The following SLC37A1 variants were observed in gnomAD, a reference collection of about 807,000 sequenced individuals.
SLC37A1 encodes glucose-6-phosphate exchanger SLC37A1.
A neutral mutation model predicts 75.3 loss-of-function variants in SLC37A1; 49 were observed. The observed-to-expected ratio is 0.65, with a 90% confidence interval of 0.52 to 0.83. SLC37A1 has a LOEUF of 0.83. Ranked by LOEUF, SLC37A1 falls within the 40% of genes least tolerant of loss-of-function variation. The pLI, the probability that SLC37A1 is intolerant of heterozygous loss-of-function variation, is 0.00. For synonymous variants in SLC37A1, 268 were observed against 292.1 expected (o/e 0.92, Z 0.84); for missense variants, 566 against 695.0 (o/e 0.81, Z 2.09).
chr21:42,521,506 G>T (rs1297574886), intron 2 of SLC37A1, among the ~76,000 whole-genome samples: 1 of 152,216 alleles, frequency 6.6e-6, no homozygotes, highest in African/African-American at 2.4e-5. Context: ...TGTGATTGAG[G>T]TAATAACAGT....
At chr21:42,575,358 G>A in intron 18 of SLC37A1, 2 of 985,480 alleles carry the variant, frequency 2.0e-6, no homozygotes. Context: ...TGTCCCTCCT[G>A]CAGCCATGCT....
chr21:42,516,420 A>T (rs1371480587), intron 1 of SLC37A1, among the ~76,000 whole-genome samples: 3 of 152,164 alleles, frequency 2.0e-5, no homozygotes, highest in Non-Finnish European at 2.9e-5. Context: ...ACGGGGCTCA[A>T]ATGAGAGCAT....
chr21:42,560,697 A>C (rs2055808388), intron 11 of SLC37A1, among the ~76,000 whole-genome samples: 1 of 152,178 alleles, frequency 6.6e-6, no homozygotes, highest in African/African-American at 2.4e-5. Context: ...GCTTATGGGG[A>C]AAGGGCTGTG....
upstream of SLC37A1, among the ~76,000 whole-genome samples, chr21:42,511,796 A>G (rs2054435507): frequency 2.0e-5 from 3 of 152,142 alleles, no homozygotes; most frequent in Non-Finnish European, 2.9e-5. Context: ...CTGTCTCAAA[A>G]CAAACCAACA....
intron 1 of SLC37A1, among the ~76,000 whole-genome samples, chr21:42,500,395 G>A (rs960985609): frequency 6.6e-6 from 1 of 152,170 alleles, no homozygotes; most frequent in Non-Finnish European, 1.5e-5. Context: ...CCCTAGCTCC[G>A]TATACTTCTT....
At position 42,513,882 on chromosome 21, in the gene SLC37A1, C is replaced by A. The variant is rs1306846160; in HGVS notation, c.-1014C>A. On this transcript the variant is annotated 5_prime_UTR_variant, in exon 1 of 20. Transcript: ENST00000352133. ...CGCGAGCAGGAAGCGCCCGCGGCGG[C>A]CGGGCCGGGCTGGGCTGCGGAGCGC... 6.8e-6 allele frequency: 1 copy of A among 146,482 alleles called. No individual in the cohort carries two copies. Among genetic ancestry groups the A allele is most frequent in the Admixed American group, 6.8e-5 (1 of 14,720 alleles). 9.1% of individuals were successfully genotyped at this position (146,482 alleles called of 1,614,324 possible). A position where few individuals can be genotyped will look rare whatever the true frequency, so the allele number is the denominator to read the frequency against.
intron 18 of SLC37A1, among the ~76,000 whole-genome samples, chr21:42,576,282 C>T (rs1185740425): frequency 6.6e-6 from 1 of 151,916 alleles, no homozygotes; most frequent in Non-Finnish European, 1.5e-5. Context: ...GGGAATCTGC[C>T]CATCTTAGCC....
chr21:42,504,195 C>T (rs1215148048), intron 2 of SLC37A1, among the ~76,000 whole-genome samples: 1 of 152,136 alleles, frequency 6.6e-6, no homozygotes, highest in Non-Finnish European at 1.5e-5. Context: ...TATATTAATA[C>T]ATTTAAAGAG....
At position 42,518,480 on chromosome 21, in the gene SLC37A1, G is replaced by A. The variant is rs746310930; in HGVS notation, c.26G>A (p.Arg9His). MARLPAGI[R>H]FIISFSRDQW... is the part of the protein sequence containing the mutation. The stretch of plus-strand genomic sequence containing the variant: ...ATGGCTCGACTCCCCGCTGGCATTC[G>A]CTTCATCATCTCATTCTCCAGGGAT... Residue 9 changes from arginine to histidine, a missense_variant, in exon 2 of 20, where the codon CGC (arginine) becomes CAC (histidine). Physicochemically the swap from Arg to His is conservative, Grantham distance 29. Transcript: ENST00000352133. The A allele has an allele frequency of 9.3e-6, 15 of 1,614,128 alleles. No individual in the cohort carries two copies. Among genetic ancestry groups the A allele is most frequent in the African/African-American group, 4.0e-5 (3 of 75,026 alleles).
chr21:42,528,642 A>G (rs1304504331), intron 3 of SLC37A1, among the ~76,000 whole-genome samples: 1 of 152,210 alleles, frequency 6.6e-6, no homozygotes, highest in Non-Finnish European at 1.5e-5. Context: ...ACTGGCCAAC[A>G]TAGTGAAACC....
intron 9 of SLC37A1, among the ~76,000 whole-genome samples, chr21:42,549,403 G>A (rs185380249): frequency 3.6e-4 from 55 of 152,292 alleles, no homozygotes; most frequent in African/African-American, 1.2e-3. Context: ...CATTCTCCCC[G>A]TTCAAATCCT....
At chr21:42,568,611 A>C (rs1012766262) in intron 17 of SLC37A1, among the ~76,000 whole-genome samples, 173 bp downstream of exon 17, 1 of 152,170 alleles carries the variant, frequency 6.6e-6, no homozygotes, top group African/African-American at 2.4e-5. Context: ...ATGGTCACGC[A>C]TGCCTGGGTG....
At chr21:42,572,064 G>A (rs2056186902) in intron 17 of SLC37A1, among the ~76,000 whole-genome samples, 1 of 152,160 alleles carries the variant, frequency 6.6e-6, no homozygotes, top group African/African-American at 2.4e-5. Flanking sequence ...AGGGGAGGTG[G>A]GTTCTGCAAG....
At chr21:42,550,688 A>C (rs963920600) in intron 9 of SLC37A1, among the ~76,000 whole-genome samples, 13 of 151,808 alleles carry the variant, frequency 8.6e-5, no homozygotes, top group African/African-American at 2.7e-4. Flanking sequence ...AAAACTCAAT[A>C]GCAGCAACCA....
chr21:42,574,646 A>G (rs971998150), intron 17 of SLC37A1, among the ~76,000 whole-genome samples, 172 bp from the exon 18 acceptor site: 4 of 152,212 alleles, frequency 2.6e-5, no homozygotes, highest in Non-Finnish European at 5.9e-5. Flanking sequence ...GGCTCAACCT[A>G]TACTAGGCCT....
At chr21:42,580,166 C>T (rs962970156) in intron 19 of SLC37A1, among the ~76,000 whole-genome samples, 179 bp from the exon 20 acceptor site, 1 of 152,008 alleles carries the variant, frequency 6.6e-6, no homozygotes, top group African/African-American at 2.4e-5. Context: ...CCCCAGAAGG[C>T]TGCGGGAAAG....
In SLC37A1 at chr21:42,514,074, C is replaced by A. The variant is rs997408059; in HGVS notation, c.-822C>A. Reference sequence around the variant, plus strand: ...GGCGCGGGGCCCTGCGCACTCGGAGCTCGGCTCCTCTCCTTCCTTTTCTTT... The same window carrying A: ...GGCGCGGGGCCCTGCGCACTCGGAGATCGGCTCCTCTCCTTCCTTTTCTTT... On this transcript the variant is annotated 5_prime_UTR_variant, in exon 1 of 20. Coordinates refer to ENST00000352133, the MANE Select transcript of SLC37A1 (RefSeq NM_001320537.2). This position sits in a 1 kb window ranked among gnomAD's most constrained non-coding sequence, Gnocchi z 4.8. 1 of 150,466 alleles carries A rather than the reference C, an allele frequency of 6.6e-6. No individual in the cohort carries two copies. Among genetic ancestry groups the A allele is most frequent in the Non-Finnish European group, 1.5e-5 (1 of 67,470 alleles). 9.3% of individuals were successfully genotyped at this position (150,466 alleles called of 1,614,324 possible). A position where few individuals can be genotyped will look rare whatever the true frequency, so the allele number is the denominator to read the frequency against.
At chr21:42,533,876 C>CAG (rs2055062302) in intron 3 of SLC37A1, among the ~76,000 whole-genome samples, 2 of 152,240 alleles carry the variant, frequency 1.3e-5, no homozygotes, top group Admixed American at 1.3e-4. Flanking sequence ...TCCCACCTCC[C>CAG]AGACAAGTGT....
At chr21:42,562,317 CAT>C (rs1331219762) in intron 12 of SLC37A1, 149 bp downstream of exon 12, 1 of 689,144 alleles carries the variant, frequency 1.5e-6, no homozygotes, top group Non-Finnish European at 2.5e-6. Context: ...TATGATGAAA[CAT>C]AGGCTAAAAG....
Sources: gnomAD v4.1 joint callset for allele counts (sites outside exome capture counted in the v4.1 genomes callset) on GRCh38, gnomAD v4.1.1 for gene constraint, Gnocchi (gnomAD v3.1) non-coding constraint, MANE v1.5 for transcripts, NCBI Gene and HGNC (gene_info 2026-07-23, HGNC 2026-07-21) for gene names.